RHOBTB1: variants seen among roughly 807,000 people sequenced by gnomAD.
The protein encoded by RHOBTB1 is rho-related BTB domain-containing protein 1.
A neutral mutation model predicts 71.6 loss-of-function variants in RHOBTB1; 40 were observed. The ratio of observed to expected loss-of-function variants is 0.56; its 90% CI spans 0.43 to 0.73. RHOBTB1 has a LOEUF of 0.73. Ranked by LOEUF, RHOBTB1 falls within the 30% of genes least tolerant of loss-of-function variation. The pLI, the probability that RHOBTB1 is intolerant of heterozygous loss-of-function variation, is 0.00. For synonymous variants in RHOBTB1, 319 were observed against 334.9 expected (o/e 0.95, Z 0.52); for missense variants, 797 against 894.0 (o/e 0.89, Z 1.38).
At chr10:60,913,279 G>C (rs1477991632) in intron 2 of RHOBTB1, among the ~76,000 whole-genome samples, 1 of 152,146 alleles carries the variant, frequency 6.6e-6, no homozygotes, top group Non-Finnish European at 1.5e-5. Context: ...ATGGAGTAGA[G>C]TGATTCAAGG....
chr10:60,937,660 G>C (rs1013704), intron 2 of RHOBTB1, among the ~76,000 whole-genome samples: 7,081 of 152,218 alleles, frequency 0.047, 279 homozygotes, highest in African/African-American at 0.1. Flanking sequence ...GGCAACCTTA[G>C]AGTGTGAAGA....
chr10:60,911,666 C>A, intron 2 of RHOBTB1, 114 bp from the exon 3 acceptor site: 1 of 800,660 alleles, frequency 1.2e-6, no homozygotes. Flanking sequence ...TGGAGGTGCA[C>A]AAGCACAGGA....
Position 60,892,903 on chromosome 10 carries a change from C to G in RHOBTB1, c.389G>C (p.Cys130Ser). 6.2e-7 allele frequency: 1 copy of G among 1,614,036 alleles called. No homozygotes were observed. Among genetic ancestry groups the G allele is most frequent in the East Asian group, 2.2e-5 (1 of 44,880 alleles). ...SMWYPEIKHF[C>S]PRTPVILVGC... ...AACAAGGATAACGGGTGTTCGAGGG[C>G]AAAAGTGCTTGATTTCTGGATACCA... The change falls in exon 5 of 11, where the codon TGC becomes TCC. Residue 130 changes from cysteine (C) to serine (S), a missense_variant. This residue lies in a region of RHOBTB1 where 139 missense variants were observed against 212.5 expected (regional missense o/e 0.65). Transcript: ENST00000337910.
intron 8 of RHOBTB1, among the ~76,000 whole-genome samples, chr10:60,876,939 A>C (rs1370718053): frequency 1.3e-5 from 2 of 152,236 alleles, no homozygotes; most frequent in African/African-American, 4.8e-5. Flanking sequence ...TCAATTGTTC[A>C]ACAAATATTT....
chr10:60,991,997 A>G (rs1252494757), intron 1 of RHOBTB1, among the ~76,000 whole-genome samples: 2 of 152,216 alleles, frequency 1.3e-5, no homozygotes, highest in African/African-American at 4.8e-5. Context: ...TGTCTAACAC[A>G]TAGTAGATTA....
chr10:60,961,022 C>G (rs1250766858), intron 2 of RHOBTB1, among the ~76,000 whole-genome samples: 1 of 152,102 alleles, frequency 6.6e-6, no homozygotes, highest in Non-Finnish European at 1.5e-5. Flanking sequence ...GTACTGTACT[C>G]AGAGAGTCAA....
chr10:60,981,380 A>G (rs1263285440), intron 2 of RHOBTB1, among the ~76,000 whole-genome samples: 1 of 152,184 alleles, frequency 6.6e-6, no homozygotes, highest in Non-Finnish European at 1.5e-5. Flanking sequence ...AGAGCCCTAC[A>G]AGGTAAATTT....
chr10:60,980,053 T>C (rs1348289020), intron 2 of RHOBTB1, among the ~76,000 whole-genome samples: 1 of 152,094 alleles, frequency 6.6e-6, no homozygotes, highest in Non-Finnish European at 1.5e-5. Context: ...AGGGAGCCAA[T>C]GGAGGTTCTG....
chr10:60,862,946 G>C, the RHOBTB1 span, among the ~76,000 whole-genome samples: 1 of 144,266 alleles, frequency 6.9e-6, no homozygotes, highest in Non-Finnish European at 1.5e-5. Flanking sequence ...GTCATATGGT[G>C]GGTGAAATAA....
chr10:60,928,950 G>A (rs1434873898), intron 2 of RHOBTB1, among the ~76,000 whole-genome samples: 2 of 152,110 alleles, frequency 1.3e-5, no homozygotes, highest in East Asian at 3.9e-4. Context: ...GGCTTGGGAG[G>A]CCTCAGGAAT....
chr10:60,923,995 C>A (rs767726418), intron 2 of RHOBTB1, among the ~76,000 whole-genome samples: 1 of 151,468 alleles, frequency 6.6e-6, no homozygotes, highest in African/African-American at 2.4e-5. Flanking sequence ...AACTGAGGAG[C>A]GGAGTGTGAT....
At chr10:60,902,916 C>T (rs537882641) in intron 4 of RHOBTB1, among the ~76,000 whole-genome samples, 2 of 152,220 alleles carry the variant, frequency 1.3e-5, no homozygotes, top group South Asian at 2.1e-4. Flanking sequence ...CACCAGGCCA[C>T]GTATCGGGGA....
chr10:60,875,182 A>G (rs2080992953), intron 8 of RHOBTB1, 140 bp from the exon 9 acceptor site: 2 of 645,960 alleles, frequency 3.1e-6, no homozygotes, highest in African/African-American at 1.8e-5. Flanking sequence ...AATTAAATCC[A>G]GAAGCTGCTC....
rs78214740 is a variant in RHOBTB1, at chr10:60,951,403, A to C, written c.-61-9549T>G. On this transcript the variant is annotated intron_variant, in intron 2 of 11. Coordinates refer to the RHOBTB1 transcript ENST00000357917. ...GACTCAATAATATCCTTCTCTCTGC[A>C]CACAATTTCAGAGTATCCTTAGCTC... Among the ~76,000 whole-genome samples the C allele has an allele frequency of 8.4e-3, 1,273 of 152,316 alleles. 13 individuals are homozygous for C. The highest frequency in any genetic ancestry group is 0.029 in the African/African-American group (1,195 of 41,578).
intron 4 of RHOBTB1, among the ~76,000 whole-genome samples, chr10:60,900,008 G>A (rs1187528206): frequency 1.3e-5 from 2 of 152,100 alleles, no homozygotes; most frequent in Non-Finnish European, 2.9e-5. Context: ...TAGCAGAAGA[G>A]GAAACAGAGC....
intron 2 of RHOBTB1, among the ~76,000 whole-genome samples, chr10:60,980,514 T>C (rs1005625336): frequency 1.3e-4 from 20 of 152,144 alleles, no homozygotes; most frequent in African/African-American, 4.6e-4. Flanking sequence ...CAGGTACCTT[T>C]CAGTCCTTTG....
chr10:60,933,994 A>G (rs1045758097), intron 2 of RHOBTB1, among the ~76,000 whole-genome samples: 3 of 152,162 alleles, frequency 2.0e-5, no homozygotes, highest in African/African-American at 7.2e-5. Context: ...TTTTTATAGG[A>G]TAGGATTATA....
At chr10:60,986,447 A>G (rs996042068) in intron 1 of RHOBTB1, among the ~76,000 whole-genome samples, 6 of 133,224 alleles carry the variant, frequency 4.5e-5, no homozygotes, top group South Asian at 2.4e-4. Flanking sequence ...TATATAGGCC[A>G]TATATACTGG....
intron 2 of RHOBTB1, among the ~76,000 whole-genome samples, chr10:60,936,063 A>T (rs963452900): frequency 5.9e-5 from 9 of 152,240 alleles, no homozygotes; most frequent in African/African-American, 1.9e-4. Flanking sequence ...TACACTATGA[A>T]TAGTACATTT....
Sources: gnomAD v4.1 joint callset for allele counts (sites outside exome capture counted in the v4.1 genomes callset) on GRCh38, gnomAD v4.1.1 for gene constraint, gnomAD v4.1.1 regional missense constraint, MANE v1.5 for transcripts, NCBI Gene and HGNC (gene_info 2026-07-23, HGNC 2026-07-21) for gene names.